C5: variants seen among roughly 807,000 people sequenced by gnomAD.
The protein encoded by C5 is C3 and PZP-like alpha-2-macroglobulin domain-containing protein 4.
Under a neutral mutation model 218.8 loss-of-function variants are expected in C5, and 140 were observed. The ratio of observed to expected loss-of-function variants is 0.64; its 90% CI spans 0.56 to 0.74. The LOEUF (loss-of-function observed/expected upper bound fraction) is 0.74. C5 is among the 30% of genes least tolerant of loss of function. C5 has a pLI of 0.00. For synonymous variants in C5, 614 were observed against 682.3 expected (o/e 0.90, Z 1.56); for missense variants, 1,700 against 1,969.6 (o/e 0.86, Z 2.59).
At chr9:121,034,967 T>C (rs1034968840) in intron 4 of C5, 73 bp from the exon 5 acceptor site, 2 of 719,338 alleles carry the variant, frequency 2.8e-6, no homozygotes, top group Non-Finnish European at 4.8e-6. Flanking sequence ...ATACAATCTT[T>C]GATGTACAAA....
At chr9:121,009,182 A>T (rs2047241355) in intron 17 of C5, among the ~76,000 whole-genome samples, 6 of 152,204 alleles carry the variant, frequency 3.9e-5, no homozygotes, top group Admixed American at 3.9e-4. Context: ...TTAACTTGGT[A>T]ATTTGTTTAT....
chr9:120,977,378 A>G (rs1249963743), intron 28 of C5, among the ~76,000 whole-genome samples: 9 of 152,184 alleles, frequency 5.9e-5, no homozygotes, highest in Admixed American at 5.9e-4. Flanking sequence ...AATATTCCAA[A>G]ATCTGAAAAA....
rs373164929 is a variant in C5 at position 120,961,614 on chromosome 9, A to C, written c.4505-49T>G. ...AGAGAAGTGGTTTGATTGAAGAACA[A>C]CACATTTACTAATTGGCAAGTGTCT... On this transcript the variant is annotated intron_variant, in intron 36 of 40. Coordinates refer to ENST00000223642, the MANE Select transcript of C5 (RefSeq NM_001735.3). 1.6e-5 allele frequency: 19 copies of C among 1,160,092 alleles called. No individual in the cohort carries two copies. In the South Asian group the frequency reaches 2.3e-4, roughly 14 times the overall value. The allele number at this position is 1,160,092 out of a possible 1,614,324, so 71.9% of individuals were successfully genotyped here.
In C5 at chr9:121,023,299, T is replaced by A. The variant is rs1218256277; in HGVS notation, c.1116+105A>T. On this transcript the variant is annotated intron_variant, in intron 10 of 40. Transcript: ENST00000223642. ...CAGGTTTCACAGAATAAGCTCCCTCTGTGACTTCATGGCAACATTCTTACC... is the reference window on the plus strand; with the variant it reads ...CAGGTTTCACAGAATAAGCTCCCTCAGTGACTTCATGGCAACATTCTTACC... 5.0e-6 allele frequency: 4 copies of A among 804,690 alleles called. No homozygotes were observed. The African/African-American group carries it at 5.0e-5, about 10-fold the overall frequency. The allele number at this position is 804,690 out of a possible 1,614,324, so 49.8% of individuals were successfully genotyped here.
intron 38 of C5, among the ~76,000 whole-genome samples, chr9:120,959,406 G>A (rs1026102832): frequency 1.3e-5 from 2 of 151,492 alleles, no homozygotes; most frequent in East Asian, 2.0e-4. Flanking sequence ...TTACAGGCAC[G>A]CACCACTATG....
At chr9:121,030,013 G>A (rs1314596894) in intron 7 of C5, among the ~76,000 whole-genome samples, 2 of 152,144 alleles carry the variant, frequency 1.3e-5, no homozygotes, top group Non-Finnish European at 2.9e-5. Context: ...AAATGTGGGA[G>A]TTTCAAGGCA....
chr9:120,957,981 C>G (rs1588163551), intron 38 of C5, among the ~76,000 whole-genome samples: 1 of 152,152 alleles, frequency 6.6e-6, no homozygotes, highest in South Asian at 2.1e-4. Flanking sequence ...CTGGAAAGAC[C>G]AGCTTGAAGG....
intron 7 of C5, among the ~76,000 whole-genome samples, chr9:121,029,459 G>A (rs1286553858): frequency 6.6e-6 from 1 of 152,126 alleles, no homozygotes; most frequent in African/African-American, 2.4e-5. Context: ...CAATATCAAC[G>A]CATAGAGTTG....
At chr9:121,052,862 T>G (rs1250509070), upstream of C5, among the ~76,000 whole-genome samples, 5 of 152,212 alleles carry the variant, frequency 3.3e-5, no homozygotes, top group Non-Finnish European at 5.9e-5. Context: ...TGGACACCAA[T>G]TTTCTATTAA....
upstream of C5, among the ~76,000 whole-genome samples, chr9:121,054,284 T>C (rs558284775): frequency 2.6e-5 from 4 of 152,204 alleles, no homozygotes; most frequent in African/African-American, 9.6e-5. Flanking sequence ...CCATAAAATA[T>C]CATTAAATGA....
At position 120,989,084 on chromosome 9, in the gene C5, G is replaced by C; in HGVS notation, c.3192C>G (p.Tyr1064Ter). ...TTCCACCCTTCCACACACTGTAAGA[G>C]TAGTCAGCATTTCTGTAGGACATAA... ...LSIMSYRNAD[Y>*]SYSVWKGGSA... is the part of the protein sequence containing the mutation. The change falls in exon 25 of 41, where the codon TAC becomes TAG. Residue 1064 changes from tyrosine (Y) to a stop codon, truncating the protein, a stop_gained. Transcript: ENST00000223642. LOFTEE classifies it high-confidence loss of function. 1 of 1,613,952 alleles carries C rather than the reference G, an allele frequency of 6.2e-7. No individual in the cohort carries two copies. Among genetic ancestry groups the C allele is most frequent in the South Asian group, 1.1e-5 (1 of 91,080 alleles).
At chr9:120,988,955 A>C in intron 25 of C5, 91 bp downstream of exon 25, 1 of 938,314 alleles carries the variant, frequency 1.1e-6, no homozygotes, top group Non-Finnish European at 1.8e-6. Flanking sequence ...TTTTAGCCTG[A>C]GCAACTGGAG....
intron 36 of C5, among the ~76,000 whole-genome samples, chr9:120,961,800 G>T (rs1344924257): frequency 6.6e-6 from 1 of 152,144 alleles, no homozygotes; most frequent in Admixed American, 6.5e-5. Context: ...TCGTTTCTCA[G>T]AAATAAAACA....
At chr9:120,993,746 T>C (rs1011193440) in intron 22 of C5, among the ~76,000 whole-genome samples, 4 of 152,188 alleles carry the variant, frequency 2.6e-5, no homozygotes, top group African/African-American at 7.2e-5. Context: ...AAACTAAGCC[T>C]TGAGTGTAAC....
chr9:120,981,789 A>C, intron 27 of C5, 55 bp downstream of exon 27: 1 of 1,173,688 alleles, frequency 8.5e-7, no homozygotes, highest in Non-Finnish European at 1.3e-6. Context: ...TGGCCCCTCC[A>C]GTATATAGTA....
intron 10 of C5, among the ~76,000 whole-genome samples, chr9:121,022,704 C>T (rs2047376714): frequency 6.7e-6 from 1 of 149,616 alleles, no homozygotes; most frequent in African/African-American, 2.4e-5. Context: ...ATTTAATCAA[C>T]ATAATAAAAT....
At position 120,989,678 on chromosome 9, in the gene C5, A is replaced by G; in HGVS notation, c.3044T>C (p.Val1015Ala). The G allele has an allele frequency of 6.2e-7, 1 of 1,613,888 alleles. No individual in the cohort carries two copies. The highest frequency in any genetic ancestry group is 1.3e-5 in the African/African-American group (1 of 75,032). Residue 1015 changes from valine to alanine, a missense_variant, in exon 24 of 41, where the codon GTT (valine) becomes GCT (alanine). Physicochemically the swap from Val to Ala is moderately conservative, Grantham distance 64. Transcript: ENST00000223642. ...GTGAAAAACATAGAATACTGGGACA[A>G]CGCTCATCAGCTCCGCCTCTGCACT... ...KGSAEAELMS[V>A]VPVFYVFHYL...
the C5 span, among the ~76,000 whole-genome samples, chr9:121,068,679 C>T: frequency 6.6e-6 from 1 of 151,986 alleles, no homozygotes; most frequent in Non-Finnish European, 1.5e-5. Context: ...AAAGCAATCC[C>T]GAACAAAAAG....
chr9:121,062,967 A>G, the C5 span, among the ~76,000 whole-genome samples: 3 of 151,994 alleles, frequency 2.0e-5, no homozygotes, highest in Non-Finnish European at 2.9e-5. Flanking sequence ...TGAGTTTATC[A>G]TACTTGGAGT....
Sources: allele counts gnomAD v4.1 joint callset (sites outside exome capture counted in the v4.1 genomes callset), GRCh38; gene constraint gnomAD v4.1.1; transcripts MANE v1.5; gene names NCBI Gene and HGNC (gene_info 2026-07-23, HGNC 2026-07-21).